The following SLX4 variants were observed in gnomAD, a reference collection of about 807,000 sequenced individuals.
SLX4 encodes structure-specific endonuclease subunit SLX4.
A neutral mutation model predicts 146.2 loss-of-function variants in SLX4; 112 were observed. The ratio of observed to expected loss-of-function variants is 0.77; its 90% CI spans 0.66 to 0.90. SLX4 has a LOEUF of 0.90. Ranked by LOEUF, SLX4 falls within the 40% of genes least tolerant of loss-of-function variation. SLX4 has a pLI of 0.00. For missense variants in SLX4, 2,563 were observed against 2,392.7 expected, an observed-to-expected ratio of 1.07 and a Z score of -1.49; for synonymous variants, 1,061 against 997.7, an observed-to-expected ratio of 1.06 and a Z score of -1.20.
In SLX4 at chr16:3,582,464, G is replaced by A. The variant is rs762619200; in HGVS notation, c.5383C>T (p.Arg1795Cys). 44 of 1,613,914 alleles carry A rather than the reference G, an allele frequency of 2.7e-5. No homozygotes were observed. The highest frequency in any genetic ancestry group is 1.5e-4 in the Admixed American group (9 of 60,012). The stretch of plus-strand genomic sequence containing the variant: ...GTGTCCAGGAAGTCCAACAGCCTGC[G>A]CGAGGACACACGGAGGCCGTTCTGC... ...LRQNGLRVSS[R>C]RLLDFLDTHC... is the part of the protein sequence containing the mutation. Residue 1795 changes from arginine (R) to cysteine (C), a missense_variant, in exon 15 of 15, where the codon CGC becomes TGC. Coordinates refer to ENST00000294008, the MANE Select transcript of SLX4 (RefSeq NM_032444.4).
chr16:3,586,214 T>A (rs1473171024), intron 12 of SLX4, among the ~76,000 whole-genome samples: 5 of 152,152 alleles, frequency 3.3e-5, no homozygotes, highest in Non-Finnish European at 7.3e-5. Flanking sequence ...AGTGGCATTA[T>A]TAATAACCAC....
At chr16:3,610,379 T>C (rs1246228752) in intron 1 of SLX4, among the ~76,000 whole-genome samples, 1 of 152,226 alleles carries the variant, frequency 6.6e-6, no homozygotes, top group Non-Finnish European at 1.5e-5. Context: ...GCCCACTGTT[T>C]TCACAATGGC....
Position 3,597,486 on chromosome 16 carries a change from T to A in SLX4, c.1576A>T (p.Lys526Ter). ...CTGCCCTCCCACAGAAAGCTCTGCT[T>A]GCGTTCAGGTGGAGGAGGACACTGG... ...AGQCPPPPER[K>*]QSFLWEGSAL... The change falls in exon 7 of 15, where the codon AAG becomes TAG. Residue 526 changes from lysine to a stop codon, truncating the protein, a stop_gained. Transcript: ENST00000294008. LOFTEE classifies it high-confidence loss of function. This position sits in a 1 kb window ranked among gnomAD's most constrained non-coding sequence, Gnocchi z 4.4. The A allele has an allele frequency of 6.2e-7, 1 of 1,614,050 alleles. No homozygotes were observed.
At position 3,589,261 on chromosome 16, in the gene SLX4, G is replaced by A. The variant is rs773941480; in HGVS notation, c.4377C>T (p.Asn1459=). The change falls in exon 12 of 15, where the codon AAC becomes AAT. Residue 1459 remains asparagine, a synonymous_variant. Transcript: ENST00000294008. This position sits in a 1 kb window ranked among gnomAD's most constrained non-coding sequence, Gnocchi z 6.2. ...LSTSSPSRRM[N]EAADSRDCRS... ...GACAGTCACGGCTGTCGGCGGCCTC[G>A]TTCATCCTGCGGCTGGGGCTGCTGG... 17 of 1,602,996 alleles carry A rather than the reference G, an allele frequency of 1.1e-5. No individual in the cohort carries two copies. The highest frequency in any genetic ancestry group is 5.1e-5 in the Admixed American group (3 of 59,262).
Position 3,583,414 on chromosome 16 carries a change from G to C in SLX4, c.4836C>G (p.Asp1612Glu), listed in dbSNP as rs140844106. ...ACAGCGGCTGTGAGGACTGGCTCTC[G>C]TCCTCGGAGTCTGAGTCCAGGGTCT... ...THQTLDSDSE[D>E]ESQSSQPLLQ... The change falls in exon 14 of 15, where the codon GAC becomes GAG. Residue 1612 changes from aspartate to glutamate, a missense_variant. Asp to Glu is a conservative substitution (Grantham distance 45). Transcript: ENST00000294008. 1.9e-6 allele frequency: 3 copies of C among 1,613,790 alleles called. No homozygotes were observed. Among genetic ancestry groups the C allele is most frequent in the East Asian group, 2.2e-5 (1 of 44,864 alleles).
At position 3,599,195 on chromosome 16, in the gene SLX4, C is replaced by T. The variant is rs535941816; in HGVS notation, c.1164-1196G>A. On this transcript the variant is annotated intron_variant, in intron 5 of 14. Transcript: ENST00000294008. ...ACCCCTGCCATGCTAAATACAGATG[C>T]GCTCCTCCACCAAGAGAATCCCCTC... 1.8e-4 allele frequency among the ~76,000 whole-genome samples: 27 copies of T among 152,306 alleles called. No individual in the cohort carries two copies. The South Asian group carries it at 3.9e-3, about 22-fold the overall frequency.
At chr16:3,605,741 A>G (rs2040774407) in intron 3 of SLX4, among the ~76,000 whole-genome samples, 1 of 151,146 alleles carries the variant, frequency 6.6e-6, no homozygotes, top group Admixed American at 6.6e-5. Flanking sequence ...AGGTCAGGAG[A>G]TCGAGACCAT....
At chr16:3,598,063 A>T (rs1204660492) in intron 5 of SLX4, 64 bp from the exon 6 acceptor site, 1 of 1,596,512 alleles carries the variant, frequency 6.3e-7, no homozygotes, top group African/African-American at 1.3e-5. Flanking sequence ...CAGGTTGGTC[A>T]CACTGGTCTG....
intron 4 of SLX4, 175 bp from the exon 5 acceptor site, chr16:3,601,366 G>C: frequency 3.0e-6 from 2 of 661,422 alleles, no homozygotes; most frequent in South Asian, 1.7e-5. Flanking sequence ...ACTACACTTA[G>C]GTATCTGTCA....
intron 7 of SLX4, among the ~76,000 whole-genome samples, chr16:3,596,668 C>G (rs759205763): frequency 4.6e-5 from 7 of 152,210 alleles, no homozygotes; most frequent in African/African-American, 1.7e-4. Context: ...GCCAGGGGGG[C>G]CCAGGCCTGC....
intron 5 of SLX4, 113 bp downstream of exon 5, chr16:3,600,866 G>C (rs1261884050): frequency 1.7e-6 from 2 of 1,157,222 alleles, no homozygotes; most frequent in Non-Finnish European, 2.5e-6. Flanking sequence ...AAAGTGCTGC[G>C]ATTACAGGTG....
At chr16:3,592,178 C>T (rs900457870) in intron 11 of SLX4, among the ~76,000 whole-genome samples, 5 of 152,222 alleles carry the variant, frequency 3.3e-5, no homozygotes, top group Non-Finnish European at 5.9e-5. Context: ...GGAGGGAGGA[C>T]GCAGGCTCGG....
rs569108777 is a variant in SLX4, at chr16:3,589,296, G to A, written c.4342C>T (p.Pro1448Ser). ...IDHWNLERTG[P>S]LSTSSPSRRM... is the part of the protein sequence containing the mutation. ...CGGCTGGGGCTGCTGGTGCTCAGGG[G>A]GCCGGTCCGCTCCAGGTTCCAGTGG... The change falls in exon 12 of 15, where the codon CCC becomes TCC. Residue 1448 changes from proline (P) to serine (S), a missense_variant. Coordinates refer to ENST00000294008, the MANE Select transcript of SLX4 (RefSeq NM_032444.4). The surrounding 1 kb of genome is among the most constrained non-coding windows in gnomAD (Gnocchi z 6.2). The A allele has an allele frequency of 6.3e-7, 1 of 1,586,640 alleles. No individual in the cohort carries two copies. Among genetic ancestry groups the A allele is most frequent in the Non-Finnish European group, 8.6e-7 (1 of 1,165,218 alleles).
At chr16:3,603,446 G>A (rs750108696) in intron 3 of SLX4, among the ~76,000 whole-genome samples, 11 of 152,216 alleles carry the variant, frequency 7.2e-5, no homozygotes, top group African/African-American at 1.2e-4. Flanking sequence ...GGGCAGGGGC[G>A]GAGCTCACAC....
chr16:3,599,640 G>A (rs2040704917), intron 5 of SLX4, among the ~76,000 whole-genome samples: 1 of 152,238 alleles, frequency 6.6e-6, no homozygotes, highest in Non-Finnish European at 1.5e-5. Context: ...AGGCTGGAGT[G>A]CAGTGGTGCA....
chr16:3,601,850 G>A (rs1000666621), intron 4 of SLX4: 2 of 456,008 alleles, frequency 4.4e-6, no homozygotes, highest in African/African-American at 2.0e-5. Flanking sequence ...TTCTTTTGGG[G>A]GTGATGAAAA....
rs762862604 is a variant in SLX4 at position 3,596,190 on chromosome 16, G to C, written c.1887C>G (p.Pro629=). 3 of 1,551,086 alleles carry C rather than the reference G, an allele frequency of 1.9e-6. No individual in the cohort carries two copies. Among genetic ancestry groups the C allele is most frequent in the Admixed American group, 1.9e-5 (1 of 52,042 alleles). Residue 629 remains proline (P), a synonymous_variant, in exon 8 of 15, where the codon CCC becomes CCG. Coordinates refer to ENST00000294008, the MANE Select transcript of SLX4 (RefSeq NM_032444.4). ...AREGLSASPW[P]GSGGLAGSEG... is the part of the protein sequence containing the mutation. ...CCGAGCCAGCCAGGCCCCCACTGCC[G>C]GGCCACGGGCTGGCGCTCAGTCCCT...
Position 3,594,974 on chromosome 16 carries a change from C to A in SLX4, c.2014-375G>T, listed in dbSNP as rs115349172. Among the ~76,000 whole-genome samples, 953 of 152,304 alleles carry A rather than the reference C, an allele frequency of 6.3e-3. 9 individuals are homozygous for A. The highest frequency in any genetic ancestry group is 0.018 in the African/African-American group (734 of 41,558). On this transcript the variant is annotated intron_variant, in intron 9 of 14. Coordinates refer to ENST00000294008, the MANE Select transcript of SLX4 (RefSeq NM_032444.4). The stretch of plus-strand genomic sequence containing the variant: ...CCATCCCCTGTGACGGACAAGCACC[C>A]TGAGTCCAAGCAGCTCGGGGACCTG...
intron 14 of SLX4, 103 bp downstream of exon 14, chr16:3,582,994 G>A: frequency 6.9e-7 from 1 of 1,446,110 alleles, no homozygotes. Context: ...AAGGTGACGG[G>A]GGTTTTTGAA....
Sources: allele counts gnomAD v4.1 joint callset (sites outside exome capture counted in the v4.1 genomes callset), GRCh38; gene constraint gnomAD v4.1.1; non-coding constraint Gnocchi (gnomAD v3.1); transcripts MANE v1.5; gene names NCBI Gene and HGNC (gene_info 2026-07-23, HGNC 2026-07-21).